The following PTH2R variants were observed in gnomAD, a reference collection of about 807,000 sequenced individuals.
The protein encoded by PTH2R is PTH2 receptor.
A neutral mutation model predicts 60.3 loss-of-function variants in PTH2R; 59 were observed. That is an observed-to-expected ratio of 0.98 (90% confidence interval 0.79 to 1.22). The LOEUF is 1.22. Among genes scored for constraint, PTH2R ranks in the 50% most tolerant of loss-of-function variants. The pLI, the probability that PTH2R is intolerant of heterozygous loss-of-function variation, is 0.00. For missense variants in PTH2R, 749 were observed against 682.6 expected (o/e 1.10, Z -1.08); for synonymous variants, 256 against 243.8 (o/e 1.05, Z -0.47).
intron 1 of PTH2R, among the ~76,000 whole-genome samples, chr2:208,420,949 C>A (rs555595131): frequency 2.6e-5 from 4 of 152,308 alleles, no homozygotes; most frequent in Non-Finnish European, 2.9e-5. Context: ...CCCTTCCCTG[C>A]AACACCTGGC....
At chr2:208,446,524 A>G (rs948861501) in intron 7 of PTH2R, among the ~76,000 whole-genome samples, 2 of 152,228 alleles carry the variant, frequency 1.3e-5, no homozygotes, top group Admixed American at 6.5e-5. Context: ...AACGCATTTT[A>G]CATGCCACAT....
chr2:208,399,085 T>C (rs1460570105), intron 1 of PTH2R, among the ~76,000 whole-genome samples: 1 of 152,216 alleles, frequency 6.6e-6, no homozygotes, highest in Non-Finnish European at 1.5e-5. Context: ...TACCTTATTG[T>C]TTACATAATC....
chr2:208,486,789 G>A (rs1703283676), intron 10 of PTH2R, among the ~76,000 whole-genome samples: 1 of 152,176 alleles, frequency 6.6e-6, no homozygotes, highest in South Asian at 2.1e-4. Context: ...ACGGTTGAAA[G>A]GACCAGTTAG....
At chr2:208,415,138 A>G (rs1035341289) in intron 1 of PTH2R, among the ~76,000 whole-genome samples, 1 of 152,166 alleles carries the variant, frequency 6.6e-6, no homozygotes, top group South Asian at 2.1e-4. Context: ...ATAGATCAAT[A>G]TTGATTCATT....
chr2:208,407,198 G>A (rs1028123981), intron 1 of PTH2R, 80 bp downstream of exon 1: 10 of 1,216,948 alleles, frequency 8.2e-6, no homozygotes, highest in Non-Finnish European at 1.1e-5. Context: ...GAGGCCAGGT[G>A]CGCGCGAGAG....
At chr2:208,447,459 G>A (rs1314761690) in intron 7 of PTH2R, among the ~76,000 whole-genome samples, 1 of 151,834 alleles carries the variant, frequency 6.6e-6, no homozygotes, top group African/African-American at 2.4e-5. Context: ...GTGCTGGCAG[G>A]CGCCTGTAGT....
intron 7 of PTH2R, among the ~76,000 whole-genome samples, chr2:208,448,480 C>G (rs1178427113): frequency 6.6e-6 from 1 of 151,206 alleles, no homozygotes; most frequent in Admixed American, 6.6e-5. Flanking sequence ...GAAACCCCGT[C>G]TCTACTAGCC....
chr2:208,459,988 A>G, intron 9 of PTH2R, 27 bp downstream of exon 9: 2 of 1,591,136 alleles, frequency 1.3e-6, no homozygotes, highest in Non-Finnish European at 1.7e-6. Flanking sequence ...GTATAGTTAA[A>G]AAAGGGATGA....
intron 1 of PTH2R, among the ~76,000 whole-genome samples, chr2:208,427,490 T>C (rs2105853496): frequency 6.6e-6 from 1 of 152,308 alleles, no homozygotes; most frequent in Non-Finnish European, 1.5e-5. Context: ...TTCTCTCATT[T>C]TCTAAAAAAA....
At chr2:208,430,677 G>T (rs908641552) in intron 2 of PTH2R, among the ~76,000 whole-genome samples, 4 of 151,874 alleles carry the variant, frequency 2.6e-5, no homozygotes, top group African/African-American at 9.7e-5. Context: ...CTTCCGAGTA[G>T]CTGGGACTAC....
Position 208,489,084 on chromosome 2 carries a change from TC to T in PTH2R, c.1150del (p.His384ThrfsTer41), listed in dbSNP as rs765285024. 6.8e-6 allele frequency: 11 copies of T among 1,614,154 alleles called. No individual in the cohort carries two copies. In the East Asian group the frequency reaches 2.5e-4, roughly 36 times the overall value. The stretch of plus-strand genomic sequence containing the variant: ...ATTACATCGTGTTCGTATGCCTGCC[TC>T]ACTCCTTCACTGGGCTCGGGTGGGA... ...VHYIVFVCLP[H>X]SFTGLGWEIR... On this transcript the variant is annotated frameshift_variant, in exon 11 of 13. Coordinates refer to ENST00000272847, the MANE Select transcript of PTH2R (RefSeq NM_005048.4). LOFTEE classifies it high-confidence loss of function.
chr2:208,417,204 G>A (rs1701657042), intron 1 of PTH2R, among the ~76,000 whole-genome samples: 1 of 152,232 alleles, frequency 6.6e-6, no homozygotes, highest in South Asian at 2.1e-4. Context: ...CTGCCAAAAT[G>A]TCCTTCCGAG....
chr2:208,438,770 TG>T (rs1702127328), intron 4 of PTH2R, among the ~76,000 whole-genome samples: 1 of 152,146 alleles, frequency 6.6e-6, no homozygotes, highest in African/African-American at 2.4e-5. Flanking sequence ...GGTGATGTTT[TG>T]GGGAGGTGGG....
intron 9 of PTH2R, among the ~76,000 whole-genome samples, chr2:208,467,568 C>A (rs1364324827): frequency 1.3e-5 from 2 of 152,190 alleles, no homozygotes; most frequent in Non-Finnish European, 2.9e-5. Flanking sequence ...ATATGCTACA[C>A]ATGATTCATC....
chr2:208,427,911 A>G (rs904779472), intron 1 of PTH2R, among the ~76,000 whole-genome samples: 3 of 151,278 alleles, frequency 2.0e-5, no homozygotes, highest in East Asian at 3.9e-4. Context: ...TCTTAGTATA[A>G]TATCTCTTTT....
intron 4 of PTH2R, among the ~76,000 whole-genome samples, chr2:208,439,054 A>G (rs2105867136): frequency 6.6e-6 from 1 of 152,304 alleles, no homozygotes; most frequent in South Asian, 2.1e-4. Context: ...GATAGAAACA[A>G]ACATTCACTG....
chr2:208,388,139 C>CCCCA (rs1553541027), intron 1 of PTH2R, among the ~76,000 whole-genome samples: 2 of 149,546 alleles, frequency 1.3e-5, no homozygotes, highest in African/African-American at 4.9e-5. Flanking sequence ...GAAACCCCCC[C>CCCCA]CCCCGTCTCT....
chr2:208,465,388 C>CTTTTTTTTTTTTTTTTTTT (rs60871321), intron 9 of PTH2R, among the ~76,000 whole-genome samples: 1 of 39,904 alleles, frequency 2.5e-5, no homozygotes, highest in East Asian at 9.7e-4. Context: ...ATTTGTAAGT[C>CTTTTTTTTTTTTTTTTTTT]TTTTTTTTTT....
chr2:208,382,085 T>A (rs1489720596), intron 1 of PTH2R, among the ~76,000 whole-genome samples: 2 of 152,174 alleles, frequency 1.3e-5, no homozygotes, highest in Non-Finnish European at 2.9e-5. Context: ...CTTCTTCCAA[T>A]TAGCATAATG....
Sources: gnomAD v4.1 joint callset for allele counts (sites outside exome capture counted in the v4.1 genomes callset) on GRCh38, gnomAD v4.1.1 for gene constraint, MANE v1.5 for transcripts, NCBI Gene and HGNC (gene_info 2026-07-23, HGNC 2026-07-21) for gene names.